The following RNFT2 variants were observed in gnomAD, a reference collection of about 807,000 sequenced individuals.
RNFT2 encodes ring finger protein, transmembrane 2.
In RNFT2, 36 loss-of-function variants were observed where a neutral mutation model predicts 53.0. The observed-to-expected ratio is 0.68, with a 90% CI of 0.52 to 0.90. RNFT2 has a LOEUF of 0.90. Ranked by LOEUF, RNFT2 falls within the 40% of genes least tolerant of loss-of-function variation. The pLI, the probability that RNFT2 is intolerant of heterozygous loss-of-function variation, is 0.00. For missense variants in RNFT2, 514 were observed against 585.6 expected, an observed-to-expected ratio of 0.88 and a Z score of 1.26; for synonymous variants, 260 against 253.2, an observed-to-expected ratio of 1.03 and a Z score of -0.26.
intron 5 of RNFT2, among the ~76,000 whole-genome samples, chr12:116,764,689 C>T (rs543444221): frequency 5.3e-5 from 8 of 152,266 alleles, no homozygotes; most frequent in African/African-American, 1.7e-4. Flanking sequence ...TTCAGCAGTT[C>T]GAGACCAGCT....
intron 10 of RNFT2, among the ~76,000 whole-genome samples, chr12:116,848,398 C>T (rs1240447705): frequency 1.3e-5 from 2 of 152,128 alleles, no homozygotes; most frequent in Non-Finnish European, 2.9e-5. Flanking sequence ...GCGGAGGGAT[C>T]GCTTTAAACT....
intron 5 of RNFT2, among the ~76,000 whole-genome samples, chr12:116,758,180 C>T (rs2137086043): frequency 6.6e-6 from 1 of 152,284 alleles, no homozygotes; most frequent in Middle Eastern, 3.4e-3. Flanking sequence ...CATGAAATGC[C>T]TTTTTCCACC....
intron 7 of RNFT2, among the ~76,000 whole-genome samples, chr12:116,821,802 CTTTTTTTTTTTTTTTTTT>C (rs149043452): frequency 2.3e-5 from 1 of 43,926 alleles, no homozygotes; most frequent in Non-Finnish European, 3.7e-5. Context: ...CTACTTGTTT[CTTTTTTTTTTTTTTTTTT>C]TTTTTTTTTT....
intron 5 of RNFT2, among the ~76,000 whole-genome samples, chr12:116,758,856 G>A (rs932094739): frequency 1.3e-5 from 2 of 152,106 alleles, no homozygotes; most frequent in Non-Finnish European, 2.9e-5. Context: ...ACCTTTTTGC[G>A]ATGAATTTCC....
intron 5 of RNFT2, among the ~76,000 whole-genome samples, chr12:116,756,090 A>G (rs1275273761): frequency 6.6e-6 from 1 of 151,364 alleles, no homozygotes; most frequent in African/African-American, 2.4e-5. Context: ...TTTTTTTTCT[A>G]ATTCTGTGAA....
At chr12:116,765,135 T>C (rs1404246397) in intron 5 of RNFT2, among the ~76,000 whole-genome samples, 1 of 152,148 alleles carries the variant, frequency 6.6e-6, no homozygotes, top group Non-Finnish European at 1.5e-5. Context: ...CGCAGCTGAT[T>C]AGGAGAGAAC....
At chr12:116,841,198 T>C (rs1172454826) in intron 10 of RNFT2, among the ~76,000 whole-genome samples, 2 of 152,134 alleles carry the variant, frequency 1.3e-5, no homozygotes, top group Non-Finnish European at 2.9e-5. Flanking sequence ...ATGCCTATAA[T>C]CCCAACACTT....
chr12:116,820,367 C>T (rs531754254), intron 7 of RNFT2, among the ~76,000 whole-genome samples: 17 of 152,216 alleles, frequency 1.1e-4, no homozygotes, highest in Non-Finnish European at 1.6e-4. Context: ...TAGGTGTGAG[C>T]CACCATGCCC....
chr12:116,795,757 C>T (rs936261871), intron 7 of RNFT2, among the ~76,000 whole-genome samples: 1 of 152,190 alleles, frequency 6.6e-6, no homozygotes, highest in Non-Finnish European at 1.5e-5. Context: ...CTCTACAAGT[C>T]CCCTGTTCAG....
At chr12:116,819,551 G>A (rs1463779069) in intron 7 of RNFT2, among the ~76,000 whole-genome samples, 1 of 152,130 alleles carries the variant, frequency 6.6e-6, no homozygotes, top group African/African-American at 2.4e-5. Context: ...GCCCGGGGGA[G>A]GAGGAGGCAG....
rs182437613 is a variant in RNFT2 at position 116,800,775 on chromosome 12, T to C, written c.882+21427T>C. Among the ~76,000 whole-genome samples, 21 of 150,354 alleles carry C rather than the reference T, an allele frequency of 1.4e-4. No individual in the cohort carries two copies. The East Asian group carries it at 4.1e-3, about 29-fold the overall frequency. ...GTTGCAGTGAGCTGAGATTGTGCCG[T>C]TGCACTCCAGCCCAGGTGACAGAGC... is the stretch of plus-strand genomic sequence containing the variant. On this transcript the variant is annotated intron_variant, in intron 7 of 10. Coordinates refer to ENST00000257575, the MANE Select transcript of RNFT2 (RefSeq NM_001382266.1).
intron 7 of RNFT2, among the ~76,000 whole-genome samples, chr12:116,802,114 C>G (rs1370070919): frequency 6.6e-6 from 1 of 152,168 alleles, no homozygotes; most frequent in Non-Finnish European, 1.5e-5. Context: ...AGCCACTGCA[C>G]CCAGCCTAAT....
At chr12:116,845,264 T>A (rs1208790898) in intron 10 of RNFT2, among the ~76,000 whole-genome samples, 219 of 102,006 alleles carry the variant, frequency 2.1e-3, no homozygotes, top group African/African-American at 9.0e-3. Context: ...AAAAAATATA[T>A]ATATATATAT....
chr12:116,756,523 A>C (rs113886167), intron 5 of RNFT2, among the ~76,000 whole-genome samples: 4 of 152,198 alleles, frequency 2.6e-5, no homozygotes, highest in African/African-American at 9.6e-5. Context: ...TTTTGCTGAG[A>C]GTTTTAATCA....
intron 7 of RNFT2, among the ~76,000 whole-genome samples, chr12:116,812,119 G>C (rs1875410921): frequency 6.6e-6 from 1 of 152,132 alleles, no homozygotes; most frequent in Non-Finnish European, 1.5e-5. Flanking sequence ...CTCAGCTGTT[G>C]GGATAAGACC....
rs565564639 is a variant in RNFT2 at position 116,849,191 on chromosome 12, G to T, written c.1201-123G>T. The T allele has an allele frequency of 4.2e-5, 29 of 682,668 alleles. No individual in the cohort carries two copies. The East Asian group carries it at 7.2e-4, about 17-fold the overall frequency. The allele number at this position is 682,668 out of a possible 1,614,324, so 42.3% of individuals were successfully genotyped here. A position where few individuals can be genotyped will look rare whatever the true frequency, so the allele number is the denominator to read the frequency against. On this transcript the variant is annotated intron_variant, in intron 10 of 10. Coordinates refer to ENST00000257575, the MANE Select transcript of RNFT2 (RefSeq NM_001382266.1). ...TTTGGAGTCGCATTGTCTCCCCAAC[G>T]CGAGTGCAGGCGCCCCGAAGGCAGG... is the stretch of plus-strand genomic sequence containing the variant.
intron 10 of RNFT2, among the ~76,000 whole-genome samples, chr12:116,840,444 G>T (rs1395491386): frequency 2.0e-5 from 3 of 152,198 alleles, no homozygotes; most frequent in African/African-American, 7.2e-5. Flanking sequence ...CTTGGTCTCA[G>T]GCTTTGAGAT....
At chr12:116,780,223 G>A (rs910580316) in intron 7 of RNFT2, among the ~76,000 whole-genome samples, 4 of 152,148 alleles carry the variant, frequency 2.6e-5, no homozygotes, top group Non-Finnish European at 5.9e-5. Context: ...TTTCTCCACT[G>A]TGTGACTTAA....
At chr12:116,834,713 T>C (rs986590709) in intron 8 of RNFT2, among the ~76,000 whole-genome samples, 7 of 152,224 alleles carry the variant, frequency 4.6e-5, no homozygotes, top group African/African-American at 1.7e-4. Context: ...ATTTTTGAGG[T>C]TCATCCACAT....
Sources: gnomAD v4.1 joint callset for allele counts (sites outside exome capture counted in the v4.1 genomes callset) on GRCh38, gnomAD v4.1.1 for gene constraint, MANE v1.5 for transcripts, NCBI Gene and HGNC (gene_info 2026-07-23, HGNC 2026-07-21) for gene names.